The following NGLY1 variants were observed in gnomAD, a reference collection of about 807,000 sequenced individuals.
The protein encoded by NGLY1 is N-glycanase 1.
Under a neutral mutation model 84.6 loss-of-function variants are expected in NGLY1, and 68 were observed. The observed-to-expected ratio is 0.80, with a 90% CI of 0.66 to 0.98. The LOEUF (loss-of-function observed/expected upper bound fraction) is 0.98. Ranked by LOEUF, NGLY1 falls within the 50% of genes least tolerant of loss-of-function variation. The pLI, the probability that NGLY1 is intolerant of heterozygous loss-of-function variation, is 0.00. For synonymous variants in NGLY1, 280 were observed against 275.2 expected (o/e 1.02, Z -0.17); for missense variants, 779 against 770.2 (o/e 1.01, Z -0.14).
chr3:25,721,395 CT>C (rs1704981031), intron 10 of NGLY1, among the ~76,000 whole-genome samples: 1 of 152,100 alleles, frequency 6.6e-6, no homozygotes. Flanking sequence ...TGTTATCTGC[CT>C]GGTCTGAAAT....
In NGLY1 at chr3:25,734,085, G is replaced by A. The variant is rs1243261127; in HGVS notation, c.1150-103C>T. ...TGTAATTTTTAAATGCATTTTTTTGGAGACGAAGTCTCGCTCTGTTGTCCA... is the reference window on the plus strand; with the variant it reads ...TGTAATTTTTAAATGCATTTTTTTGAAGACGAAGTCTCGCTCTGTTGTCCA... On this transcript the variant is annotated intron_variant, in intron 7 of 11. Coordinates refer to ENST00000280700, the MANE Select transcript of NGLY1 (RefSeq NM_018297.4). The A allele has an allele frequency of 1.0e-5, 15 of 1,485,238 alleles. No homozygotes were observed. The African/African-American group carries it at 2.1e-4, about 21-fold the overall frequency. 92.0% of individuals were successfully genotyped at this position (1,485,238 alleles called of 1,614,324 possible).
intron 5 of NGLY1, 96 bp downstream of exon 5, chr3:25,739,481 T>C (rs2125484606): frequency 8.4e-7 from 1 of 1,192,468 alleles, no homozygotes; most frequent in Admixed American, 2.2e-5. Context: ...GGAATATATT[T>C]CTGATAATTA....
At chr3:25,736,441 T>C in intron 6 of NGLY1, 3 of 1,470,332 alleles carry the variant, frequency 2.0e-6, no homozygotes, top group Non-Finnish European at 2.8e-6. Context: ...ATAAAAAATA[T>C]CATCCTGAGT....
At chr3:25,751,778 T>C (rs1428710712) in intron 3 of NGLY1, among the ~76,000 whole-genome samples, 3 of 152,202 alleles carry the variant, frequency 2.0e-5, no homozygotes, top group Middle Eastern at 3.2e-3. Context: ...ATCTACAGAA[T>C]AGGAAGTGTC....
intron 10 of NGLY1, among the ~76,000 whole-genome samples, chr3:25,723,866 TC>T (rs1705128977): frequency 6.6e-6 from 1 of 152,156 alleles, no homozygotes; most frequent in Non-Finnish European, 1.5e-5. Flanking sequence ...AAGTCAGAAA[TC>T]ATGGAGGTTT....
chr3:25,782,111 G>GC (rs1708445891), intron 1 of NGLY1, among the ~76,000 whole-genome samples: 1 of 152,096 alleles, frequency 6.6e-6, no homozygotes, highest in Admixed American at 6.5e-5. Context: ...ATCTTTCATA[G>GC]CATCTGCCAC....
At chr3:25,777,455 TAA>T (rs981513544) in intron 2 of NGLY1, among the ~76,000 whole-genome samples, 1 of 150,540 alleles carries the variant, frequency 6.6e-6, no homozygotes, top group Admixed American at 6.6e-5. Context: ...AAATAAAGTC[TAA>T]GTCTTTTGCC....
intron 5 of NGLY1, among the ~76,000 whole-genome samples, chr3:25,738,682 G>A (rs113184392): frequency 0.012 from 1,755 of 151,554 alleles, 34 homozygotes; most frequent in African/African-American, 0.041. Context: ...AGGCTGGAGC[G>A]CAGTGGCACA....
Position 25,732,409 on chromosome 3 carries a change from T to C in NGLY1, c.1335A>G (p.Ile445Met), listed in dbSNP as rs1705584732. ...CTCCAGGTTTAGGGGTTTTGGGAGA[T>C]ATAAATTCAACAAGCTCCACAATTA... ...QRIIVELVEFISPKTPKPGEL... is the reference protein window; with the variant it reads ...QRIIVELVEFMSPKTPKPGEL... Residue 445 changes from isoleucine (I) to methionine (M), a missense_variant, in exon 9 of 12, where the codon ATA becomes ATG. Coordinates refer to ENST00000280700, the MANE Select transcript of NGLY1 (RefSeq NM_018297.4). The C allele has an allele frequency of 1.2e-6, 2 of 1,613,798 alleles. No homozygotes were observed. The highest frequency in any genetic ancestry group is 1.7e-6 in the Non-Finnish European group (2 of 1,179,742).
intron 4 of NGLY1, among the ~76,000 whole-genome samples, chr3:25,742,325 A>G (rs1370220737): frequency 6.6e-6 from 1 of 152,214 alleles, no homozygotes. Flanking sequence ...TATGTCCATC[A>G]ATAGGGAATT....
intron 1 of NGLY1, chr3:25,782,886 C>A (rs1708481663): frequency 9.8e-6 from 2 of 203,582 alleles, no homozygotes; most frequent in South Asian, 1.5e-4. Context: ...ACGCGCGGTG[C>A]GGTTACCGTT....
chr3:25,767,907 G>A (rs1707668455), intron 2 of NGLY1, among the ~76,000 whole-genome samples: 1 of 67,132 alleles, frequency 1.5e-5, no homozygotes, highest in East Asian at 1.7e-3. Context: ...GAGGTAGGGA[G>A]CTGACCAGCC....
intron 4 of NGLY1, among the ~76,000 whole-genome samples, chr3:25,743,148 G>C (rs941037365): frequency 5.3e-5 from 8 of 152,128 alleles, no homozygotes; most frequent in African/African-American, 1.9e-4. Flanking sequence ...AAGAGGCAAA[G>C]AACAGATTCT....
intron 2 of NGLY1, among the ~76,000 whole-genome samples, chr3:25,774,703 G>A (rs1489960638): frequency 6.6e-6 from 1 of 152,040 alleles, no homozygotes; most frequent in Non-Finnish European, 1.5e-5. Flanking sequence ...TTTGCCCCAG[G>A]CTACAAGTCT....
intron 5 of NGLY1, among the ~76,000 whole-genome samples, chr3:25,738,484 C>G (rs897955725): frequency 6.6e-6 from 1 of 151,996 alleles, no homozygotes; most frequent in Non-Finnish European, 1.5e-5. Flanking sequence ...TGCAGCTGAG[C>G]AGAGAGGTCA....
chr3:25,746,261 A>G (rs886619625), intron 4 of NGLY1, among the ~76,000 whole-genome samples: 2 of 152,126 alleles, frequency 1.3e-5, no homozygotes, highest in African/African-American at 4.8e-5. Context: ...CTTAGTATGT[A>G]TTTTGACATA....
intron 3 of NGLY1, among the ~76,000 whole-genome samples, chr3:25,756,391 G>A (rs1164495625): frequency 6.6e-6 from 1 of 152,096 alleles, no homozygotes; most frequent in Non-Finnish European, 1.5e-5. Flanking sequence ...ACTTTAACCT[G>A]ATGGCTTGCA....
At chr3:25,734,011 TAAC>T in intron 7 of NGLY1, 29 bp from the exon 8 acceptor site, 1 of 1,606,366 alleles carries the variant, frequency 6.2e-7, no homozygotes, top group Non-Finnish European at 8.5e-7. Context: ...TACAAATACT[TAAC>T]AAGATTACAA....
At chr3:25,750,690 G>A (rs557373628) in intron 4 of NGLY1, among the ~76,000 whole-genome samples, 2 of 152,010 alleles carry the variant, frequency 1.3e-5, no homozygotes, top group East Asian at 1.9e-4. Flanking sequence ...GTGACCATGA[G>A]GTATATGCAA....
Sources: allele counts gnomAD v4.1 joint callset (sites outside exome capture counted in the v4.1 genomes callset), GRCh38; gene constraint gnomAD v4.1.1; transcripts MANE v1.5; gene names NCBI Gene and HGNC (gene_info 2026-07-23, HGNC 2026-07-21).